The following FOCAD variants were observed in gnomAD, a reference collection of about 807,000 sequenced individuals.
FOCAD encodes focadhesin, also known as KIAA1797.
In FOCAD, 198 loss-of-function variants were observed where a neutral mutation model predicts 225.6. The observed-to-expected ratio is 0.88, with a 90% CI of 0.78 to 0.99. The LOEUF (loss-of-function observed/expected upper bound fraction) is 0.99. FOCAD is among the 50% of genes least tolerant of loss of function. The pLI, the probability that FOCAD is intolerant of heterozygous loss-of-function variation, is 0.00. For synonymous variants in FOCAD, 897 were observed against 755.0 expected (o/e 1.19, Z -3.08); for missense variants, 2,713 against 2,123.6 (o/e 1.28, Z -5.46).
intron 26 of FOCAD, among the ~76,000 whole-genome samples, chr9:20,928,610 C>G (rs567078228): frequency 1.3e-5 from 2 of 152,196 alleles, no homozygotes; most frequent in East Asian, 3.9e-4. Flanking sequence ...AGAAGCTGTT[C>G]ATATTCAGCT....
chr9:20,814,230 A>G (rs1477236663), intron 11 of FOCAD, among the ~76,000 whole-genome samples: 1 of 151,292 alleles, frequency 6.6e-6, no homozygotes, highest in African/African-American at 2.4e-5. Context: ...CCATTTTGTT[A>G]ATTGCTTTTG....
chr9:20,842,586 C>A (rs1826651554), intron 15 of FOCAD, among the ~76,000 whole-genome samples: 1 of 151,812 alleles, frequency 6.6e-6, no homozygotes, highest in Non-Finnish European at 1.5e-5. Context: ...CTTTTCCATC[C>A]CCTTTATTTC....
intron 1 of FOCAD, among the ~76,000 whole-genome samples, chr9:20,707,219 A>G (rs1014248138): frequency 5.9e-5 from 9 of 152,186 alleles, no homozygotes; most frequent in African/African-American, 2.2e-4. Context: ...CTGAGTTGCT[A>G]TCTACTTCAG....
intron 2 of FOCAD, among the ~76,000 whole-genome samples, chr9:20,715,722 A>G (rs930129625): frequency 1.3e-4 from 20 of 152,216 alleles, no homozygotes; most frequent in Middle Eastern, 3.4e-3. Flanking sequence ...TATTGGGAAC[A>G]GAGGTAAACA....
chr9:20,807,613 C>A (rs1214514125), intron 11 of FOCAD, among the ~76,000 whole-genome samples: 1 of 152,200 alleles, frequency 6.6e-6, no homozygotes, highest in Non-Finnish European at 1.5e-5. Flanking sequence ...ATGTATTTTA[C>A]ACCCACTGTA....
chr9:20,740,616 T>C (rs1184665424), intron 5 of FOCAD, among the ~76,000 whole-genome samples: 1 of 152,178 alleles, frequency 6.6e-6, no homozygotes, highest in Non-Finnish European at 1.5e-5. Context: ...TACTCTAGAA[T>C]ATGTAACCAT....
intron 1 of FOCAD, among the ~76,000 whole-genome samples, chr9:20,706,514 G>A (rs1318171575): frequency 6.6e-6 from 1 of 152,114 alleles, no homozygotes; most frequent in Non-Finnish European, 1.5e-5. Flanking sequence ...ACGATGCAGT[G>A]ATATGGAATT....
chr9:20,960,761 T>C (rs1329634853), intron 35 of FOCAD, among the ~76,000 whole-genome samples: 1 of 123,346 alleles, frequency 8.1e-6, no homozygotes, highest in African/African-American at 3.0e-5. Flanking sequence ...CAGGCCTCGG[T>C]GTGTGATGTT....
intron 15 of FOCAD, among the ~76,000 whole-genome samples, chr9:20,827,664 C>G (rs1171132445): frequency 6.6e-6 from 1 of 151,844 alleles, no homozygotes; most frequent in Non-Finnish European, 1.5e-5. Context: ...CATAATCTCT[C>G]CTGTATGTGG....
intron 24 of FOCAD, among the ~76,000 whole-genome samples, chr9:20,918,270 C>T (rs1204250934): frequency 2.0e-5 from 3 of 152,316 alleles, no homozygotes; most frequent in African/African-American, 2.4e-5. Flanking sequence ...TATAATTCCT[C>T]GTGTCTAGTA....
chr9:20,687,390 A>G (rs188904295), intron 1 of FOCAD, among the ~76,000 whole-genome samples: 2 of 152,336 alleles, frequency 1.3e-5, no homozygotes, highest in East Asian at 3.9e-4. Flanking sequence ...AATGTAATAC[A>G]GTAATTGTGG....
rs562610959 is a variant in FOCAD, at chr9:20,807,098, A to T, written c.1456-12698A>T. 2.0e-5 allele frequency among the ~76,000 whole-genome samples: 3 copies of T among 152,374 alleles called. No individual in the cohort carries two copies. In the South Asian group the frequency reaches 6.2e-4, roughly 32 times the overall value. On this transcript the variant is annotated intron_variant, in intron 11 of 43. Transcript: ENST00000338382. The stretch of plus-strand genomic sequence containing the variant: ...TCATGTGGATTAAATGATATAATCC[A>T]GAGTATAATACTGGTTTATAGTCAG...
chr9:20,712,843 C>G (rs994844340), intron 1 of FOCAD, among the ~76,000 whole-genome samples: 2 of 148,862 alleles, frequency 1.3e-5, no homozygotes, highest in Admixed American at 1.4e-4. Flanking sequence ...AGTGATTCTC[C>G]TATCCCAGCC....
At chr9:20,851,468 C>A (rs991345296) in intron 15 of FOCAD, among the ~76,000 whole-genome samples, 10 of 151,842 alleles carry the variant, frequency 6.6e-5, no homozygotes, top group African/African-American at 2.2e-4. Context: ...CATCAGAATT[C>A]CTGATATTGG....
chr9:20,831,480 G>C (rs1356331232), intron 15 of FOCAD, among the ~76,000 whole-genome samples: 2 of 152,012 alleles, frequency 1.3e-5, no homozygotes, highest in Non-Finnish European at 2.9e-5. Flanking sequence ...AGACATTTTT[G>C]GCCTTCTAGG....
rs751702572 is a variant in FOCAD, at chr9:20,820,991, T to A, written c.1713T>A (p.Pro571=). Residue 571 remains proline, a synonymous_variant, in exon 14 of 44, where the codon CCT becomes CCA. Coordinates refer to ENST00000338382, the MANE Select transcript of FOCAD (RefSeq NM_001375567.1). The part of the protein sequence containing the change: ...LQRFMAVSDV[P]SLSVGKEVQW... ...GTTTCATGGCTGTGTCTGATGTACC[T>A]TCTCTTTCGGTGGGCAAGGAAGTCC... The A allele has an allele frequency of 6.2e-7, 1 of 1,612,854 alleles. No homozygotes were observed. Among genetic ancestry groups the A allele is most frequent in the Admixed American group, 1.7e-5 (1 of 59,922 alleles).
intron 19 of FOCAD, 139 bp from the exon 20 acceptor site, chr9:20,881,732 G>T (rs974870032): frequency 4.0e-6 from 3 of 744,770 alleles, no homozygotes; most frequent in Non-Finnish European, 6.6e-6. Context: ...AAAGGGATAG[G>T]TATCAAGAGG....
At chr9:20,751,953 T>C (rs36129715) in intron 5 of FOCAD, among the ~76,000 whole-genome samples, 112,181 of 134,920 alleles carry the variant, frequency 0.83, 46,896 homozygotes, top group Admixed American at 0.89. Context: ...GCATAAATGT[T>C]GTCTTTTGAG....
At chr9:20,683,662 A>T (rs530992943), upstream of FOCAD, 5 of 152,220 alleles carry the variant, frequency 3.3e-5, no homozygotes, top group Admixed American at 1.3e-4. Context: ...CTTGGGCTAG[A>T]ACTACCTCAG....
Sources: gnomAD v4.1 joint callset for allele counts (sites outside exome capture counted in the v4.1 genomes callset) on GRCh38, gnomAD v4.1.1 for gene constraint, MANE v1.5 for transcripts, NCBI Gene and HGNC (gene_info 2026-07-23, HGNC 2026-07-21) for gene names.